USP12: variants seen among roughly 807,000 people sequenced by gnomAD.
USP12 encodes the protein ubiquitin specific peptidase 12, also known as ubiquitin carboxyl-terminal hydrolase 12.
USP12 carries 19 observed loss-of-function variants against 45.5 expected under a neutral mutation model. The ratio of observed to expected loss-of-function variants is 0.42; its 90% CI spans 0.29 to 0.61. The LOEUF is 0.61. Ranked by LOEUF, USP12 falls within the 20% of genes least tolerant of loss-of-function variation. The pLI is 0.22. For synonymous variants in USP12, 149 were observed against 148.8 expected (o/e 1.00, Z -0.01); for missense variants, 242 against 447.7 (o/e 0.54, Z 4.15).
intron 1 of USP12, among the ~76,000 whole-genome samples, chr13:27,130,834 T>C (rs1876467293): frequency 6.6e-6 from 1 of 152,090 alleles, no homozygotes; most frequent in African/African-American, 2.4e-5. Flanking sequence ...AAATCACAAG[T>C]CCAAAAAGAT....
chr13:27,097,620 C>T (rs1368089392), intron 3 of USP12, among the ~76,000 whole-genome samples: 2 of 152,128 alleles, frequency 1.3e-5, no homozygotes, highest in East Asian at 1.9e-4. Flanking sequence ...TCTAACTGCA[C>T]GCGTGGCATA....
At chr13:27,099,297 G>C (rs571090918) in intron 3 of USP12, among the ~76,000 whole-genome samples, 1 of 152,230 alleles carries the variant, frequency 6.6e-6, no homozygotes, top group South Asian at 2.1e-4. Flanking sequence ...AAATAACATA[G>C]AGCTTTCCAT....
rs764962303 is a variant in USP12, at chr13:27,075,286, A to C, written c.837T>G (p.Val279=). ...HRYTKLSYRV[V]FPLELRLFNT... Reference sequence around the variant, plus strand: ...TAAACAGACGAAGTTCTAAAGGAAAAACTACCCGGTAAGAGAGTTTTGTAT... The same window carrying C: ...TAAACAGACGAAGTTCTAAAGGAAACACTACCCGGTAAGAGAGTTTTGTAT... The change falls in exon 7 of 9, where the codon GTT becomes GTG. Residue 279 remains valine, a synonymous_variant. Transcript: ENST00000282344. The C allele has an allele frequency of 1.9e-6, 3 of 1,614,126 alleles. No individual in the cohort carries two copies. In the South Asian group the frequency reaches 3.3e-5, roughly 18 times the overall value.
At position 27,148,795 on chromosome 13, in the gene USP12, T is replaced by TACACACACACAC. The variant is rs58820564; in HGVS notation, c.48+22785_48+22796dup. On this transcript the variant is annotated intron_variant, in intron 1 of 8. Coordinates refer to ENST00000282344, the MANE Select transcript of USP12 (RefSeq NM_182488.4). ...AACCAGAATCACAGAATCATCTTAA[T>TACACACACACAC]ACACACACACACACACACAAAAATC... 7.0e-3 allele frequency among the ~76,000 whole-genome samples: 996 copies of TACACACACACAC among 141,770 alleles called. 17 individuals carry two copies. Among genetic ancestry groups the TACACACACACAC allele is most frequent in the African/African-American group, 0.019 (726 of 37,266 alleles). The allele number at this position is 141,770 out of a possible 152,430, so 93.0% of individuals were successfully genotyped here. A position where few individuals can be genotyped will look rare whatever the true frequency, so the allele number is the denominator to read the frequency against.
At chr13:27,113,302 CAAATAAA>C (rs1472082948) in intron 2 of USP12, among the ~76,000 whole-genome samples, 2 of 152,140 alleles carry the variant, frequency 1.3e-5, no homozygotes, top group South Asian at 2.1e-4. Context: ...AAAACCCAGA[CAAATAAA>C]AAATAAAAAT....
intron 1 of USP12, among the ~76,000 whole-genome samples, chr13:27,147,821 C>T (rs538620481): frequency 6.6e-6 from 1 of 152,270 alleles, no homozygotes; most frequent in Admixed American, 6.5e-5. Flanking sequence ...ATGCTTCCAT[C>T]TAAATGTGAA....
At chr13:27,076,634 A>G (rs1452552582) in intron 6 of USP12, among the ~76,000 whole-genome samples, 1 of 152,188 alleles carries the variant, frequency 6.6e-6, no homozygotes, top group Non-Finnish European at 1.5e-5. Flanking sequence ...CATGCCTGAC[A>G]TATGATAGAT....
intron 3 of USP12, among the ~76,000 whole-genome samples, chr13:27,096,345 G>A (rs904887623): frequency 1.3e-5 from 2 of 152,236 alleles, no homozygotes; most frequent in African/African-American, 4.8e-5. Flanking sequence ...CTCTGATGTA[G>A]AGTCAGGTTT....
At chr13:27,098,450 G>A (rs898800243) in intron 3 of USP12, among the ~76,000 whole-genome samples, 1 of 151,828 alleles carries the variant, frequency 6.6e-6, no homozygotes, top group Non-Finnish European at 1.5e-5. Flanking sequence ...AAATACAAAT[G>A]CCTAAATAAT....
chr13:27,123,836 AT>A (rs1876106602), intron 1 of USP12, among the ~76,000 whole-genome samples: 1 of 152,308 alleles, frequency 6.6e-6, no homozygotes, highest in African/African-American at 2.4e-5. Flanking sequence ...TCACAACAGT[AT>A]GAAAATGGAC....
At chr13:27,107,927 T>C (rs910581943) in intron 2 of USP12, among the ~76,000 whole-genome samples, 1 of 152,014 alleles carries the variant, frequency 6.6e-6, no homozygotes, top group Non-Finnish European at 1.5e-5. Flanking sequence ...ACTTTTACAC[T>C]GTTGGTGGGA....
intron 1 of USP12, among the ~76,000 whole-genome samples, chr13:27,117,412 A>G (rs1419463674): frequency 1.4e-5 from 2 of 146,892 alleles, no homozygotes; most frequent in Non-Finnish European, 3.0e-5. Flanking sequence ...AGTTGACAAG[A>G]ATGTTTACTG....
At chr13:27,092,522 G>A (rs1221163436) in intron 4 of USP12, among the ~76,000 whole-genome samples, 4 of 152,096 alleles carry the variant, frequency 2.6e-5, no homozygotes, top group Non-Finnish European at 4.4e-5. Context: ...ACAGATATAC[G>A]GACCAACAGG....
chr13:27,080,583 T>C (rs1378836603), intron 6 of USP12, among the ~76,000 whole-genome samples: 2 of 152,046 alleles, frequency 1.3e-5, no homozygotes, highest in African/African-American at 4.8e-5. Context: ...GTAAAGAGAC[T>C]TGAGAGAGGA....
At chr13:27,143,265 G>C (rs1877154947) in intron 1 of USP12, among the ~76,000 whole-genome samples, 1 of 152,054 alleles carries the variant, frequency 6.6e-6, no homozygotes, top group Non-Finnish European at 1.5e-5. Flanking sequence ...ACACAAAAAA[G>C]AAGTAGGAGA....
chr13:27,091,865 T>C (rs1874333251), intron 4 of USP12, among the ~76,000 whole-genome samples: 1 of 152,200 alleles, frequency 6.6e-6, no homozygotes, highest in Non-Finnish European at 1.5e-5. Flanking sequence ...ACCAATTGCA[T>C]TTCTAAAATA....
At chr13:27,164,267 T>G (rs1354158777) in intron 1 of USP12, among the ~76,000 whole-genome samples, 1 of 152,216 alleles carries the variant, frequency 6.6e-6, no homozygotes, top group East Asian at 1.9e-4. Flanking sequence ...GCATTTCAGT[T>G]AAGAACATCT....
At chr13:27,149,042 G>C (rs2137829325) in intron 1 of USP12, among the ~76,000 whole-genome samples, 1 of 152,134 alleles carries the variant, frequency 6.6e-6, no homozygotes, top group South Asian at 2.1e-4. Flanking sequence ...ACATTAGCCA[G>C]GCGTGGTGGC....
chr13:27,110,281 T>A lies in USP12; in HGVS notation c.130-4337A>T, dbSNP rs150742294. Among the ~76,000 whole-genome samples the A allele has an allele frequency of 5.2e-3, 790 of 152,282 alleles. 4 individuals carry two copies. The highest frequency in any genetic ancestry group is 0.031 in the South Asian group (147 of 4,816). Reference sequence around the variant, plus strand: ...TTAATCTTTGAGGTAAATTGTATAATCATGTCATTATGTGTCACAATCATT... The same window carrying A: ...TTAATCTTTGAGGTAAATTGTATAAACATGTCATTATGTGTCACAATCATT... On this transcript the variant is annotated intron_variant, in intron 2 of 8. Coordinates refer to ENST00000282344, the MANE Select transcript of USP12 (RefSeq NM_182488.4).
Sources: allele counts gnomAD v4.1 joint callset (sites outside exome capture counted in the v4.1 genomes callset), GRCh38; gene constraint gnomAD v4.1.1; transcripts MANE v1.5; gene names NCBI Gene and HGNC (gene_info 2026-07-23, HGNC 2026-07-21).